CHODL: variants seen among roughly 807,000 people sequenced by gnomAD.
CHODL encodes the protein transmembrane protein MT75.
Under a neutral mutation model 34.5 loss-of-function variants are expected in CHODL, and 29 were observed. The ratio of observed to expected loss-of-function variants is 0.84; its 90% CI spans 0.63 to 1.15. The LOEUF (loss-of-function observed/expected upper bound fraction) is 1.15, where lower values mean the gene tolerates loss of function less well. Ranked by LOEUF, CHODL falls within the 50% of genes most tolerant of loss-of-function variation. The probability of loss-of-function intolerance (pLI) is 0.00; values close to 1 mark genes in which losing one functional copy is unlikely to be tolerated. For synonymous variants in CHODL, 125 were observed against 116.1 expected, an observed-to-expected ratio of 1.08 and a Z score of -0.49; for missense variants, 332 against 332.5, an observed-to-expected ratio of 1.00 and a Z score of 0.01.
intron 1 of CHODL, among the ~76,000 whole-genome samples, chr21:17,941,042 G>C (rs1485367534): frequency 1.3e-5 from 2 of 152,200 alleles, no homozygotes; most frequent in African/African-American, 4.8e-5. Context: ...CTCAGTAGGA[G>C]TCTGGTATAA....
chr21:18,065,715 G>A (rs1011005608), intron 2 of CHODL, among the ~76,000 whole-genome samples: 1 of 152,056 alleles, frequency 6.6e-6, no homozygotes. Context: ...TCATTCAGAG[G>A]CACTCATTAA....
intron 2 of CHODL, among the ~76,000 whole-genome samples, chr21:18,141,816 A>G (rs2072807018): frequency 6.6e-6 from 1 of 152,076 alleles, no homozygotes; most frequent in Non-Finnish European, 1.5e-5. Context: ...GAAGCAAACA[A>G]GCTGAAGGTA....
chr21:18,188,006 C>G (rs747635445), intron 2 of CHODL, among the ~76,000 whole-genome samples: 1 of 152,136 alleles, frequency 6.6e-6, no homozygotes, highest in African/African-American at 2.4e-5. Flanking sequence ...GACCCCAGCA[C>G]TACACGAAGA....
At chr21:17,935,486 C>T (rs1052068806) in intron 1 of CHODL, among the ~76,000 whole-genome samples, 11 of 152,162 alleles carry the variant, frequency 7.2e-5, no homozygotes, top group African/African-American at 2.7e-4. Context: ...GGATGACTCT[C>T]TTCTGGTGTG....
chr21:17,927,156 ATATG>A lies in CHODL; in HGVS notation c.-145+9760_-145+9763del, dbSNP rs1232552541. Reference sequence around the variant, plus strand: ...TATGTATATATGTATATATGTATATATATGTATATATGTATATATGTATATATAT... The same window carrying A: ...TATGTATATATGTATATATGTATATATATATATGTATATATGTATATATAT... On this transcript the variant is annotated intron_variant, in intron 1 of 6. Coordinates refer to the CHODL transcript ENST00000400127. Among the ~76,000 whole-genome samples the A allele has an allele frequency of 1.0e-3, 59 of 59,064 alleles. 1 individual carries two copies. Among genetic ancestry groups the A allele is most frequent in the African/African-American group, 2.9e-3 (58 of 20,322 alleles). 38.7% of individuals were successfully genotyped at this position (59,064 alleles called of 152,430 possible). A position where few individuals can be genotyped will look rare whatever the true frequency, so the allele number is the denominator to read the frequency against.
chr21:18,174,342 A>G (rs1438459742), intron 2 of CHODL, among the ~76,000 whole-genome samples: 3 of 151,582 alleles, frequency 2.0e-5, no homozygotes, highest in Non-Finnish European at 4.4e-5. Flanking sequence ...ATACTAGGTA[A>G]AGTGCTATTC....
At chr21:17,956,357 GC>G (rs557179271) in intron 1 of CHODL, among the ~76,000 whole-genome samples, 1 of 135,526 alleles carries the variant, frequency 7.4e-6, no homozygotes, top group African/African-American at 2.5e-5. Context: ...GCCTCCTGAG[GC>G]CCCCCCAGAA....
chr21:18,091,765 T>A (rs1462073126), intron 2 of CHODL, among the ~76,000 whole-genome samples: 2 of 152,024 alleles, frequency 1.3e-5, no homozygotes, highest in Non-Finnish European at 2.9e-5. Context: ...CACAAGCTGA[T>A]GAAAGAGCCC....
At chr21:18,208,671 T>C (rs1173951218) in intron 2 of CHODL, among the ~76,000 whole-genome samples, 3 of 152,170 alleles carry the variant, frequency 2.0e-5, no homozygotes, top group African/African-American at 7.2e-5. Flanking sequence ...TTGGGTATTA[T>C]AATCTATCTT....
chr21:18,015,977 G>T (rs1159516523), intron 1 of CHODL, among the ~76,000 whole-genome samples: 1 of 152,212 alleles, frequency 6.6e-6, no homozygotes, highest in Non-Finnish European at 1.5e-5. Flanking sequence ...ATATTTAAAA[G>T]GGAAGCAGAG....
intron 2 of CHODL, among the ~76,000 whole-genome samples, chr21:18,030,845 G>GA (rs2146439260): frequency 6.6e-6 from 1 of 152,242 alleles, no homozygotes; most frequent in South Asian, 2.1e-4. Context: ...TGCTACCTTA[G>GA]AAAAATAGTA....
chr21:18,162,870 G>A (rs1423354262), intron 2 of CHODL, among the ~76,000 whole-genome samples: 1 of 151,952 alleles, frequency 6.6e-6, no homozygotes, highest in East Asian at 1.9e-4. Context: ...GAAACTCCTG[G>A]GCTCAAGAGA....
intron 1 of CHODL, among the ~76,000 whole-genome samples, chr21:17,961,264 T>C (rs753340627): frequency 2.0e-5 from 3 of 152,214 alleles, no homozygotes; most frequent in Non-Finnish European, 2.9e-5. Context: ...CTCATGACCA[T>C]TGAAGTGTCA....
chr21:17,945,003 G>T (rs550184897), intron 1 of CHODL, among the ~76,000 whole-genome samples: 1 of 152,126 alleles, frequency 6.6e-6, no homozygotes, highest in African/African-American at 2.4e-5. Flanking sequence ...AGGGTCCGGA[G>T]ATCGAGACCA....
At chr21:17,993,601 T>C (rs981721334) in intron 1 of CHODL, among the ~76,000 whole-genome samples, 2 of 152,250 alleles carry the variant, frequency 1.3e-5, no homozygotes, top group South Asian at 4.1e-4. Flanking sequence ...CCACATTTTC[T>C]TTATCCAGTC....
intron 1 of CHODL, among the ~76,000 whole-genome samples, chr21:18,011,314 T>C (rs2064017717): frequency 6.6e-6 from 1 of 152,130 alleles, no homozygotes; most frequent in Admixed American, 6.6e-5. Flanking sequence ...TAAGTACACA[T>C]AAATAGTTTG....
chr21:18,236,756 C>G (rs1257557164), intron 2 of CHODL, among the ~76,000 whole-genome samples: 1 of 152,034 alleles, frequency 6.6e-6, no homozygotes, highest in Non-Finnish European at 1.5e-5. Context: ...ACCACTTGAA[C>G]AATACATGAC....
intron 2 of CHODL, among the ~76,000 whole-genome samples, chr21:18,221,402 T>C (rs927990306): frequency 3.9e-5 from 6 of 152,198 alleles, no homozygotes; most frequent in Non-Finnish European, 8.8e-5. Flanking sequence ...TCTTTAGGAT[T>C]TCTTACTGAA....
intron 1 of CHODL, among the ~76,000 whole-genome samples, chr21:17,978,633 G>C (rs1240492444): frequency 2.6e-5 from 4 of 151,638 alleles, no homozygotes; most frequent in Non-Finnish European, 4.4e-5. Context: ...CAGGAGAATG[G>C]CGTGAACCCA....
Sources: allele counts gnomAD v4.1 joint callset (sites outside exome capture counted in the v4.1 genomes callset), GRCh38; gene constraint gnomAD v4.1.1; transcripts MANE v1.5; gene names NCBI Gene and HGNC (gene_info 2026-07-23, HGNC 2026-07-21).